The following TUSC3 variants were observed in gnomAD, a reference collection of about 807,000 sequenced individuals.
TUSC3 encodes dolichyl-diphosphooligosaccharide--protein glycosyltransferase subunit TUSC3.
Under a neutral mutation model 44.8 loss-of-function variants are expected in TUSC3, and 45 were observed. The ratio of observed to expected loss-of-function variants is 1.00; its 90% CI spans 0.79 to 1.29. The LOEUF (loss-of-function observed/expected upper bound fraction) is 1.29. Among genes scored for constraint, TUSC3 ranks in the 50% most tolerant of loss-of-function variants. The pLI, the probability that TUSC3 is intolerant of heterozygous loss-of-function variation, is 0.00. For missense variants in TUSC3, 519 were observed against 437.9 expected, an observed-to-expected ratio of 1.19 and a Z score of -1.65; for synonymous variants, 212 against 152.9, an observed-to-expected ratio of 1.39 and a Z score of -2.85.
At chr8:15,551,389 T>G (rs1802056566) in intron 1 of TUSC3, among the ~76,000 whole-genome samples, 1 of 151,770 alleles carries the variant, frequency 6.6e-6, no homozygotes, top group Non-Finnish European at 1.5e-5. Flanking sequence ...GATAACAGTC[T>G]TGCTTTGATT....
At chr8:15,814,714 A>G in the TUSC3 span, among the ~76,000 whole-genome samples, 1 of 152,162 alleles carries the variant, frequency 6.6e-6, no homozygotes, top group Admixed American at 6.5e-5. Context: ...GCAAATGAAA[A>G]ACTTCAGCTG....
chr8:15,464,981 G>T (rs1987902), intron 1 of TUSC3, among the ~76,000 whole-genome samples: 1 of 151,906 alleles, frequency 6.6e-6, no homozygotes, highest in East Asian at 1.9e-4. Context: ...TCCCAAGTAG[G>T]TGGGATTACA....
intron 1 of TUSC3, among the ~76,000 whole-genome samples, chr8:15,441,276 A>T (rs968303199): frequency 6.6e-6 from 1 of 152,192 alleles, no homozygotes; most frequent in South Asian, 2.1e-4. Context: ...GCATGGTGGC[A>T]CGTGGCTGTA....
chr8:15,843,526 T>C, the TUSC3 span, among the ~76,000 whole-genome samples: 1 of 151,480 alleles, frequency 6.6e-6, no homozygotes, highest in Non-Finnish European at 1.5e-5. Flanking sequence ...AAGTTGATGG[T>C]AGAATTTTCT....
intron 1 of TUSC3, among the ~76,000 whole-genome samples, chr8:15,475,188 C>G (rs1585058313): frequency 6.6e-6 from 1 of 151,900 alleles, no homozygotes; most frequent in East Asian, 1.9e-4. Context: ...TAGTCGTCAA[C>G]ATTCCAAAGA....
chr8:15,661,782 G>A lies in TUSC3; in HGVS notation c.568-374G>A, dbSNP rs191126645. ...ATATTTGCAAATAATTTTTCTATAA[G>A]ATACTTACAGCTAGTTTGTCTATAT... On this transcript the variant is annotated intron_variant, in intron 4 of 10. Transcript: ENST00000503731. Among the ~76,000 whole-genome samples, 346 of 137,804 alleles carry A rather than the reference G, an allele frequency of 2.5e-3. 4 individuals carry two copies. The highest frequency in any genetic ancestry group is 2.4e-3 in the Non-Finnish European group (151 of 63,770). 90.4% of individuals were successfully genotyped at this position (137,804 alleles called of 152,430 possible). A position where few individuals can be genotyped will look rare whatever the true frequency, so the allele number is the denominator to read the frequency against.
At chr8:15,576,249 C>CTTTTTTTTTT (rs1415782142) in intron 1 of TUSC3, among the ~76,000 whole-genome samples, 3 of 7,834 alleles carry the variant, frequency 3.8e-4, no homozygotes, top group African/African-American at 6.3e-4. Context: ...TCTGCTTTTT[C>CTTTTTTTTTT]TTTCTTTTTT....
intron 1 of TUSC3, among the ~76,000 whole-genome samples, chr8:15,449,335 G>A (rs768499575): frequency 3.3e-5 from 5 of 152,186 alleles, no homozygotes; most frequent in Admixed American, 6.5e-5. Context: ...GGCCGTGTTA[G>A]CATGGCTCAA....
chr8:15,817,524 T>A, the TUSC3 span, among the ~76,000 whole-genome samples: 2 of 152,100 alleles, frequency 1.3e-5, no homozygotes, highest in East Asian at 3.9e-4. Context: ...AATTGAATCA[T>A]GGGGGTGGTT....
At chr8:15,564,728 G>A (rs1270227171) in intron 1 of TUSC3, among the ~76,000 whole-genome samples, 1 of 152,142 alleles carries the variant, frequency 6.6e-6, no homozygotes, top group Non-Finnish European at 1.5e-5. Context: ...CTAGGCGATG[G>A]AGTGTAAACA....
At chr8:15,607,219 C>A (rs1804568623) in intron 1 of TUSC3, among the ~76,000 whole-genome samples, 1 of 152,044 alleles carries the variant, frequency 6.6e-6, no homozygotes, top group South Asian at 2.1e-4. Context: ...ATTTTCAGTA[C>A]ATTTTTTTCA....
intron 2 of TUSC3, among the ~76,000 whole-genome samples, chr8:15,524,041 A>G (rs1219927904): frequency 4.4e-5 from 6 of 136,776 alleles, no homozygotes; most frequent in East Asian, 2.1e-4. Flanking sequence ...GGCAACAGAC[A>G]GAGTGACTCC....
intron 1 of TUSC3, among the ~76,000 whole-genome samples, chr8:15,463,367 G>T (rs370082686): frequency 1.3e-5 from 2 of 152,008 alleles, no homozygotes; most frequent in South Asian, 2.1e-4. Context: ...TTTTCTAGTG[G>T]CATAGAATAG....
At chr8:15,707,982 A>G (rs183903844) in intron 6 of TUSC3, among the ~76,000 whole-genome samples, 1 of 152,012 alleles carries the variant, frequency 6.6e-6, no homozygotes, top group Admixed American at 6.6e-5. Context: ...CTTTGCCTCC[A>G]TCTTCACATC....
chr8:15,454,356 T>C lies in TUSC3; in HGVS notation n.92-29030T>C, dbSNP rs76385412. ...CCTTATGCCCCTCAGTTGAATTCTT[T>C]CCTTTGAGGAGGCAAGCATCGAGGT... On this transcript the variant is annotated intron_variant and non_coding_transcript_variant, in intron 1 of 5. Coordinates refer to the TUSC3 transcript ENST00000503191. 8.7e-3 allele frequency among the ~76,000 whole-genome samples: 1,328 copies of C among 152,254 alleles called. 22 individuals are homozygous for C. Among genetic ancestry groups the C allele is most frequent in the African/African-American group, 0.03 (1,261 of 41,548 alleles).
the TUSC3 span, among the ~76,000 whole-genome samples, chr8:15,836,886 T>C: frequency 5.4e-3 from 829 of 152,330 alleles, 5 homozygotes; most frequent in Non-Finnish European, 9.8e-3. Context: ...TTTTGGGCTA[T>C]ATCATTTCTT....
intron 2 of TUSC3, among the ~76,000 whole-genome samples, chr8:15,525,067 G>C (rs1024703979): frequency 3.3e-5 from 5 of 152,294 alleles, no homozygotes; most frequent in African/African-American, 1.2e-4. Context: ...AAAAGGGAAA[G>C]TATGTATACT....
At chr8:15,702,263 A>G (rs189739201) in intron 6 of TUSC3, among the ~76,000 whole-genome samples, 9 of 152,318 alleles carry the variant, frequency 5.9e-5, no homozygotes, top group Admixed American at 3.3e-4. Flanking sequence ...TGTTTGAGTA[A>G]GAAACCCTTT....
At chr8:15,489,637 T>G (rs1563264678) in intron 2 of TUSC3, among the ~76,000 whole-genome samples, 1 of 152,204 alleles carries the variant, frequency 6.6e-6, no homozygotes, top group Non-Finnish European at 1.5e-5. Flanking sequence ...TATACTACAG[T>G]TACATTGGAA....
Sources: allele counts gnomAD v4.1 joint callset (sites outside exome capture counted in the v4.1 genomes callset), GRCh38; gene constraint gnomAD v4.1.1; transcripts MANE v1.5; gene names NCBI Gene and HGNC (gene_info 2026-07-23, HGNC 2026-07-21).